The following ERN1 variants were observed in gnomAD, a reference collection of about 807,000 sequenced individuals.
The protein encoded by ERN1 is endoplasmic reticulum to nucleus signaling 1.
ERN1 carries 39 observed loss-of-function variants against 113.1 expected under a neutral mutation model. That is an observed-to-expected ratio of 0.34 (90% CI 0.27 to 0.45). ERN1 has a LOEUF of 0.45. Ranked by LOEUF, ERN1 falls within the 20% of genes least tolerant of loss-of-function variation. ERN1 has a pLI of 1.00. For synonymous variants in ERN1, 507 were observed against 515.9 expected (o/e 0.98, Z 0.23); for missense variants, 976 against 1,274.8 (o/e 0.77, Z 3.57).
At chr17:64,067,003 G>A (rs1913251072) in intron 7 of ERN1, 71 bp from the exon 8 acceptor site, 5 of 1,526,414 alleles carry the variant, frequency 3.3e-6, no homozygotes, top group East Asian at 2.3e-5. Context: ...TACTCTTGTG[G>A]CAGGCTCTAG....
chr17:64,064,185 TG>T, intron 9 of ERN1, 34 bp from the exon 10 acceptor site: 7 of 1,553,518 alleles, frequency 4.5e-6, no homozygotes, highest in Non-Finnish European at 6.1e-6. Context: ...TCAGGAGCCC[TG>T]GAGGGAGAGC....
At chr17:64,073,649 G>A (rs922335196) in intron 5 of ERN1, among the ~76,000 whole-genome samples, 6 of 151,794 alleles carry the variant, frequency 4.0e-5, no homozygotes, top group South Asian at 2.1e-4. Flanking sequence ...GTGCTACCAC[G>A]CTTGGCTTAT....
chr17:64,117,970 T>C (rs1304452508), intron 1 of ERN1, among the ~76,000 whole-genome samples: 1 of 152,198 alleles, frequency 6.6e-6, no homozygotes, highest in Non-Finnish European at 1.5e-5. Flanking sequence ...GCATAAAATA[T>C]GTACTCAAAA....
chr17:64,127,375 A>G (rs1915107173), intron 1 of ERN1, among the ~76,000 whole-genome samples: 1 of 152,232 alleles, frequency 6.6e-6, no homozygotes, highest in Non-Finnish European at 1.5e-5. Flanking sequence ...ATTTACATTT[A>G]TTATCTATTA....
chr17:64,054,573 C>G lies in ERN1; in HGVS notation c.1764-134G>C. ...GCCCCGCCTGACTGCCTGGTGGCCC[C>G]GGAATCATCGCTTGTCTCAGTGTGC... is the stretch of plus-strand genomic sequence containing the variant. On this transcript the variant is annotated intron_variant, in intron 14 of 21. Coordinates refer to ENST00000433197, the MANE Select transcript of ERN1 (RefSeq NM_001433.5). The surrounding 1 kb of genome is among the most constrained non-coding windows in gnomAD (Gnocchi z 4.9). 4.8e-6 allele frequency: 5 copies of G among 1,041,980 alleles called. No individual in the cohort carries two copies. The highest frequency in any genetic ancestry group is 2.5e-5 in the Admixed American group (1 of 40,510). 64.5% of individuals were successfully genotyped at this position (1,041,980 alleles called of 1,614,324 possible).
intron 16 of ERN1, 28 bp downstream of exon 16, chr17:64,053,244 G>T: frequency 6.4e-7 from 1 of 1,553,616 alleles, no homozygotes; most frequent in Non-Finnish European, 8.7e-7. Flanking sequence ...CACCCGGGCC[G>T]CTGGCCTGGT....
chr17:64,104,644 C>A (rs1225665699), intron 1 of ERN1, among the ~76,000 whole-genome samples: 1 of 152,000 alleles, frequency 6.6e-6, no homozygotes, highest in Non-Finnish European at 1.5e-5. Context: ...CATAGTGAAA[C>A]CCTGTCTCTA....
intron 7 of ERN1, chr17:64,067,939 A>T: frequency 2.3e-6 from 1 of 431,038 alleles, no homozygotes; most frequent in Non-Finnish European, 4.3e-6. Context: ...GAAAGACTCA[A>T]CGAGGGATGT....
At position 64,098,218 on chromosome 17, in the gene ERN1, C is replaced by A; in HGVS notation, c.78G>T (p.Val26=). The change falls in exon 2 of 22, where the codon GTG becomes GTT. Residue 26 remains valine (V), a synonymous_variant. Coordinates refer to ENST00000433197, the MANE Select transcript of ERN1 (RefSeq NM_001433.5). ...GLGIFGSTST[V]TLPETLLFVS... Reference sequence around the variant, plus strand: ...CAAACAACAAGGTTTCAGGAAGCGTCACTGTGCTGGTACTTCCAAAAATCT... The same window carrying A: ...CAAACAACAAGGTTTCAGGAAGCGTAACTGTGCTGGTACTTCCAAAAATCT... 6.2e-7 allele frequency: 1 copy of A among 1,613,942 alleles called. No individual in the cohort carries two copies. Among genetic ancestry groups the A allele is most frequent in the Non-Finnish European group, 8.5e-7 (1 of 1,179,870 alleles).
chr17:64,127,527 G>C (rs997444621), intron 1 of ERN1, among the ~76,000 whole-genome samples: 12 of 152,116 alleles, frequency 7.9e-5, no homozygotes, highest in African/African-American at 2.9e-4. Flanking sequence ...GCCAAGGTGG[G>C]TGGATCACTT....
intron 1 of ERN1, among the ~76,000 whole-genome samples, chr17:64,114,246 T>C (rs909529388): frequency 1.3e-5 from 2 of 152,156 alleles, no homozygotes; most frequent in African/African-American, 4.8e-5. Context: ...CCTGCTTTCA[T>C]GGAGCTTACA....
chr17:64,039,787 A>T lies in ERN1; in HGVS notation c.*4201T>A, dbSNP rs1325319593. ...TAGGGACACTGAAAAGGAATACTGT[A>T]TCCACCAAACACACACACAGTACAC... On this transcript the variant is annotated 3_prime_UTR_variant, in exon 22 of 22. Transcript: ENST00000433197. The T allele has an allele frequency of 6.6e-6, 1 of 152,264 alleles. No homozygotes were observed. Among genetic ancestry groups the T allele is most frequent in the African/African-American group, 2.4e-5 (1 of 41,464 alleles). The allele number at this position is 152,264 out of a possible 1,614,324, so 9.4% of individuals were successfully genotyped here. A position where few individuals can be genotyped will look rare whatever the true frequency, so the allele number is the denominator to read the frequency against.
chr17:64,113,411 A>G (rs1914722698), intron 1 of ERN1, among the ~76,000 whole-genome samples: 2 of 152,248 alleles, frequency 1.3e-5, no homozygotes, highest in Admixed American at 6.5e-5. Context: ...ATACATAATT[A>G]GTGGCTCCAA....
intron 1 of ERN1, among the ~76,000 whole-genome samples, chr17:64,119,111 A>C (rs1914883792): frequency 6.6e-6 from 1 of 152,160 alleles, no homozygotes; most frequent in Non-Finnish European, 1.5e-5. Context: ...TTGATTTCTT[A>C]AGCCTCTTAA....
intron 10 of ERN1, among the ~76,000 whole-genome samples, chr17:64,060,860 C>T (rs956476911): frequency 7.9e-5 from 12 of 152,154 alleles, no homozygotes; most frequent in Admixed American, 2.0e-4. Context: ...TTGGGAGGCA[C>T]CAGACGCAAG....
chr17:64,118,117 G>A (rs1237949277), intron 1 of ERN1, among the ~76,000 whole-genome samples: 1 of 152,154 alleles, frequency 6.6e-6, no homozygotes, highest in Non-Finnish European at 1.5e-5. Flanking sequence ...GCGGCTGGGG[G>A]ACTAGTCGCT....
chr17:64,071,902 T>G lies in ERN1; in HGVS notation c.478+79A>C, dbSNP rs115415176. 4.8e-4 allele frequency: 731 copies of G among 1,509,354 alleles called. 2 individuals are homozygous for G. In the African/African-American group the frequency reaches 8.8e-3, roughly 18 times the overall value. 93.5% of individuals were successfully genotyped at this position (1,509,354 alleles called of 1,614,324 possible). ...TGGAAAAAAGCAGCTCTGGCCACCT[T>G]CTAGGGAAGGAGGCTGGGGAGCTTC... On this transcript the variant is annotated intron_variant, in intron 6 of 21. Transcript: ENST00000433197.
chr17:64,096,694 C>G (rs1914239914), intron 2 of ERN1, among the ~76,000 whole-genome samples: 1 of 152,142 alleles, frequency 6.6e-6, no homozygotes, highest in Admixed American at 6.5e-5. Context: ...TAAAAAGAGG[C>G]AAATTCTTTC....
At chr17:64,119,392 T>TTTG in intron 1 of ERN1, among the ~76,000 whole-genome samples, 1 of 139,736 alleles carries the variant, frequency 7.2e-6, no homozygotes, top group Non-Finnish European at 1.5e-5. Context: ...TTTTTTTTTT[T>TTTG]TTTTTTTTTT....
Sources: gnomAD v4.1 joint callset for allele counts (sites outside exome capture counted in the v4.1 genomes callset) on GRCh38, gnomAD v4.1.1 for gene constraint, Gnocchi (gnomAD v3.1) non-coding constraint, MANE v1.5 for transcripts, NCBI Gene and HGNC (gene_info 2026-07-23, HGNC 2026-07-21) for gene names.